The following ZFHX4 variants were observed in gnomAD, a reference collection of about 807,000 sequenced individuals.
ZFHX4 encodes the protein zinc finger homeobox 4.
Under a neutral mutation model 267.6 loss-of-function variants are expected in ZFHX4, and 56 were observed. That is an observed-to-expected ratio of 0.21 (90% confidence interval 0.17 to 0.26). The LOEUF (loss-of-function observed/expected upper bound fraction) is 0.26. Among genes scored for constraint, ZFHX4 ranks in the 10% least tolerant of loss-of-function variants. The probability of loss-of-function intolerance (pLI) is 1.00; values close to 1 mark genes in which losing one functional copy is unlikely to be tolerated. For synonymous variants in ZFHX4, 1,778 were observed against 1,665.6 expected, an observed-to-expected ratio of 1.07 and a Z score of -1.64; for missense variants, 4,332 against 4,420.0, an observed-to-expected ratio of 0.98 and a Z score of 0.56.
At chr8:76,806,937 A>T (rs909472361) in intron 4 of ZFHX4, among the ~76,000 whole-genome samples, 2 of 152,034 alleles carry the variant, frequency 1.3e-5, no homozygotes, top group African/African-American at 2.4e-5. Flanking sequence ...GCCAATTGTT[A>T]CTACTCCTGA....
chr8:76,753,975 G>T (rs767406761), intron 3 of ZFHX4, among the ~76,000 whole-genome samples: 3 of 151,942 alleles, frequency 2.0e-5, no homozygotes, highest in Non-Finnish European at 1.5e-5. Context: ...GATAGTTAAC[G>T]CTTTGGAATC....
In ZFHX4 at chr8:76,705,459, C is replaced by A. The variant is rs547602121; in HGVS notation, c.1371C>A (p.Asn457Lys). ...RPKESNVLHP[N>K]GECPVKSEPT... Reference sequence around the variant, plus strand: ...AAGAAAGCAACGTTTTACACCCAAACGGGGAGTGCCCTGTCAAAAGTGAAC... The same window carrying A: ...AAGAAAGCAACGTTTTACACCCAAAAGGGGAGTGCCCTGTCAAAAGTGAAC... The change falls in exon 2 of 11, where the codon AAC (asparagine) becomes AAA (lysine). Residue 457 changes from asparagine to lysine, a missense_variant. Transcript: ENST00000651372. The A allele has an allele frequency of 7.4e-6, 12 of 1,613,658 alleles. No individual in the cohort carries two copies. The East Asian group carries it at 1.6e-4, about 21-fold the overall frequency.
chr8:76,736,084 C>T (rs1430253175), intron 3 of ZFHX4, among the ~76,000 whole-genome samples: 1 of 151,626 alleles, frequency 6.6e-6, no homozygotes, highest in Admixed American at 6.6e-5. Flanking sequence ...AGCAAGATGC[C>T]ATTAAAATCT....
chr8:76,772,007 G>A (rs568734352), intron 3 of ZFHX4, among the ~76,000 whole-genome samples: 1 of 152,244 alleles, frequency 6.6e-6, no homozygotes, highest in East Asian at 1.9e-4. Context: ...GGGTTTGCCT[G>A]ACTTCATCTT....
intron 5 of ZFHX4, among the ~76,000 whole-genome samples, chr8:76,841,761 C>T (rs1012469138): frequency 6.6e-6 from 1 of 152,078 alleles, no homozygotes; most frequent in African/African-American, 2.4e-5. Flanking sequence ...AAACAGCATG[C>T]CATGCTGTGG....
rs777556600 is a variant in ZFHX4, at chr8:76,863,366, A to G, written c.9652A>G (p.Lys3218Glu). The change falls in exon 11 of 11, where the codon AAA becomes GAA. Residue 3218 changes from lysine (K) to glutamate (E), a missense_variant. This residue lies in a region of ZFHX4 where 1,648 missense variants were observed against 1,625.0 expected (regional missense o/e 1.01). Transcript: ENST00000651372. ...EATKPEKHPK[K>E]EEKISSALSV... ...CACCAAACCCGAAAAACACCCCAAA[A>G]AAGAGGAAAAAATCTCATCTGCTCT... 6.2e-7 allele frequency: 1 copy of G among 1,613,936 alleles called. No individual in the cohort carries two copies. The highest frequency in any genetic ancestry group is 1.1e-5 in the South Asian group (1 of 91,084).
chr8:76,781,005 T>A (rs1810533104), intron 4 of ZFHX4, among the ~76,000 whole-genome samples: 1 of 152,088 alleles, frequency 6.6e-6, no homozygotes, highest in South Asian at 2.1e-4. Flanking sequence ...AGAAGATAAA[T>A]GGTTAGCACA....
chr8:76,856,792 T>A (rs1017352866), intron 10 of ZFHX4, among the ~76,000 whole-genome samples: 3 of 152,184 alleles, frequency 2.0e-5, no homozygotes, highest in African/African-American at 4.8e-5. Flanking sequence ...GTTGAGTCCT[T>A]CAGCCACAGG....
At chr8:76,839,290 G>A (rs555796778) in intron 5 of ZFHX4, among the ~76,000 whole-genome samples, 1 of 152,266 alleles carries the variant, frequency 6.6e-6, no homozygotes, top group Non-Finnish European at 1.5e-5. Flanking sequence ...TAGCCAATGT[G>A]TATATGTAGA....
At chr8:76,846,172 C>G (rs1812359611) in intron 6 of ZFHX4, among the ~76,000 whole-genome samples, 1 of 151,882 alleles carries the variant, frequency 6.6e-6, no homozygotes, top group Non-Finnish European at 1.5e-5. Flanking sequence ...AGATAGTATC[C>G]CTTTGAGTAA....
chr8:76,793,216 T>C (rs1810885556), intron 4 of ZFHX4, among the ~76,000 whole-genome samples: 1 of 152,118 alleles, frequency 6.6e-6, no homozygotes, highest in Admixed American at 6.6e-5. Flanking sequence ...TAGAGTTTCC[T>C]CTATCTTTGA....
At chr8:76,792,032 G>T (rs1459730191) in intron 4 of ZFHX4, among the ~76,000 whole-genome samples, 1 of 152,068 alleles carries the variant, frequency 6.6e-6, no homozygotes, top group East Asian at 1.9e-4. Context: ...TGAGGACTTG[G>T]TTACAAAGGT....
intron 3 of ZFHX4, among the ~76,000 whole-genome samples, chr8:76,734,947 T>C (rs1431484341): frequency 1.3e-5 from 2 of 152,260 alleles, no homozygotes; most frequent in South Asian, 2.1e-4. Flanking sequence ...TCTTCAGACA[T>C]ACACAAAATT....
At chr8:76,858,055 T>C (rs1020070519) in intron 10 of ZFHX4, among the ~76,000 whole-genome samples, 1 of 152,194 alleles carries the variant, frequency 6.6e-6, no homozygotes, top group Non-Finnish European at 1.5e-5. Flanking sequence ...GATGACTGTG[T>C]TGTCATCCCA....
At chr8:76,760,049 A>G (rs897821441) in intron 3 of ZFHX4, among the ~76,000 whole-genome samples, 3 of 152,206 alleles carry the variant, frequency 2.0e-5, no homozygotes, top group African/African-American at 4.8e-5. Context: ...CACCCAGTCC[A>G]CTAATAAGAA....
chr8:76,708,015 T>A lies in ZFHX4; in HGVS notation c.3060T>A (p.Asn1020Lys), dbSNP rs1808326088. 6.2e-7 allele frequency: 1 copy of A among 1,613,570 alleles called. No individual in the cohort carries two copies. Among genetic ancestry groups the A allele is most frequent in the East Asian group, 2.2e-5 (1 of 44,878 alleles). The change falls in exon 3 of 11, where the codon AAT becomes AAA. Residue 1020 changes from asparagine (N) to lysine (K), a missense_variant. By Grantham distance (94) the Asn-to-Lys change is moderately conservative. This residue lies in a region of ZFHX4 where 1,371 missense variants were observed against 1,423.1 expected (regional missense o/e 0.96). Transcript: ENST00000651372. ...SVDKLRLHTT[N>K]HRHEAALKLY... ...ATAAATTACGCTTGCATACCACCAA[T>A]CACAGGCACGAGGCGGCCCTGAAGC...
chr8:76,748,999 A>G (rs1306180571), intron 3 of ZFHX4, among the ~76,000 whole-genome samples: 2 of 152,202 alleles, frequency 1.3e-5, no homozygotes, highest in Non-Finnish European at 2.9e-5. Flanking sequence ...AAAGTTGGCA[A>G]ATTGCTATCT....
At chr8:76,720,627 T>C (rs567306791) in intron 3 of ZFHX4, among the ~76,000 whole-genome samples, 1 of 152,280 alleles carries the variant, frequency 6.6e-6, no homozygotes, top group East Asian at 1.9e-4. Flanking sequence ...CCTTCTCCCC[T>C]GTCCTTTAAA....
In ZFHX4 at chr8:76,732,787, T is replaced by G. The variant is rs1809056230; in HGVS notation, c.3093+24739T>G. ...TTCGAAGGATTCTCCATTAGTTTGT[T>G]TCTGAAGCTGCATTTCTAATAATGG... On this transcript the variant is annotated intron_variant, in intron 3 of 10. Coordinates refer to ENST00000651372, the MANE Select transcript of ZFHX4 (RefSeq NM_024721.5). Among the ~76,000 whole-genome samples, 4 of 152,344 alleles carry G rather than the reference T, an allele frequency of 2.6e-5. No individual in the cohort carries two copies. The South Asian group carries it at 8.3e-4, about 32-fold the overall frequency.
Sources: allele counts gnomAD v4.1 joint callset (sites outside exome capture counted in the v4.1 genomes callset), GRCh38; gene constraint gnomAD v4.1.1; regional missense constraint gnomAD v4.1.1; transcripts MANE v1.5; gene names NCBI Gene and HGNC (gene_info 2026-07-23, HGNC 2026-07-21).